NPY2R: variants seen among roughly 807,000 people sequenced by gnomAD.
The protein encoded by NPY2R is neuropeptide Y receptor Y2, also known as neuropeptide Y receptor type 2.
Under a neutral mutation model 22.3 loss-of-function variants are expected in NPY2R, and 17 were observed. The observed-to-expected ratio is 0.76, with a 90% CI of 0.52 to 1.14. The LOEUF (loss-of-function observed/expected upper bound fraction) is 1.14, where lower values mean the gene tolerates loss of function less well. NPY2R is among the 50% of genes most tolerant of loss of function. NPY2R has a pLI of 0.00. For synonymous variants in NPY2R, 209 were observed against 183.4 expected (o/e 1.14, Z -1.13); for missense variants, 424 against 467.9 (o/e 0.91, Z 0.87).
At chr4:155,193,637 G>A in the NPY2R span, among the ~76,000 whole-genome samples, 1 of 151,926 alleles carries the variant, frequency 6.6e-6, no homozygotes, top group Non-Finnish European at 1.5e-5. Flanking sequence ...GTCCACCTAG[G>A]CATGGCACTG....
chr4:155,183,893 T>C, the NPY2R span, among the ~76,000 whole-genome samples: 1 of 152,110 alleles, frequency 6.6e-6, no homozygotes, highest in Non-Finnish European at 1.5e-5. Context: ...ACCCCAAACC[T>C]ATATACTAAG....
chr4:155,194,395 C>T, the NPY2R span, among the ~76,000 whole-genome samples: 1 of 151,672 alleles, frequency 6.6e-6, no homozygotes, highest in Non-Finnish European at 1.5e-5. Context: ...TCTCACTCTC[C>T]TCTCACCCTC....
intron 1 of NPY2R, 55 bp from the exon 2 acceptor site, chr4:155,213,837 C>T (rs746613101): frequency 4.3e-5 from 42 of 974,432 alleles, no homozygotes; most frequent in African/African-American, 9.6e-5. Context: ...GTGTTTTCCT[C>T]GTTCCATTGG....
the NPY2R span, among the ~76,000 whole-genome samples, chr4:155,200,625 T>A: frequency 6.6e-6 from 1 of 152,092 alleles, no homozygotes; most frequent in Non-Finnish European, 1.5e-5. Flanking sequence ...AATGATAGAC[T>A]AGATAAAGAA....
upstream of NPY2R, among the ~76,000 whole-genome samples, chr4:155,205,047 G>C (rs1366595199): frequency 9.2e-5 from 14 of 152,150 alleles, no homozygotes; most frequent in Admixed American, 9.2e-4. Context: ...AAAAAGATCT[G>C]AGTTTAAGTG....
At chr4:155,195,307 C>T in the NPY2R span, among the ~76,000 whole-genome samples, 38 of 151,876 alleles carry the variant, frequency 2.5e-4, no homozygotes, top group African/African-American at 7.0e-4. Context: ...GATATTCACC[C>T]GTTAAGTGCT....
chr4:155,209,619 C>A (rs1221963575), intron 1 of NPY2R, among the ~76,000 whole-genome samples: 1 of 152,196 alleles, frequency 6.6e-6, no homozygotes, highest in Non-Finnish European at 1.5e-5. Flanking sequence ...TGAATATTTT[C>A]AACTTTCTAC....
the NPY2R span, among the ~76,000 whole-genome samples, chr4:155,194,710 C>T: frequency 1.3e-5 from 2 of 151,932 alleles, no homozygotes; most frequent in Non-Finnish European, 2.9e-5. Context: ...CACATAAATG[C>T]ATGTGTCTTT....
chr4:155,186,468 G>A, the NPY2R span, among the ~76,000 whole-genome samples: 1 of 152,146 alleles, frequency 6.6e-6, no homozygotes, highest in African/African-American at 2.4e-5. Flanking sequence ...TTTTTAAATT[G>A]ACAAATTGAA....
At chr4:155,181,127 T>C in the NPY2R span, among the ~76,000 whole-genome samples, 1 of 151,942 alleles carries the variant, frequency 6.6e-6, no homozygotes, top group Non-Finnish European at 1.5e-5. Flanking sequence ...GGATCAGTTA[T>C]AGGGTAATTG....
the NPY2R span, among the ~76,000 whole-genome samples, chr4:155,184,186 A>C: frequency 6.0e-5 from 9 of 150,274 alleles, no homozygotes; most frequent in Non-Finnish European, 1.2e-4. Context: ...TTATTTAAGA[A>C]GAACCCTCTC....
Position 155,214,560 on chromosome 4 carries a change from G to T in NPY2R, c.621G>T (p.Trp207Cys). The change falls in exon 2 of 2, where the codon TGG becomes TGT. Residue 207 changes from tryptophan to cysteine, a missense_variant. Trp to Cys is a radical substitution (Grantham distance 215, BLOSUM62 -2). Transcript: ENST00000329476. Reference sequence around the variant, plus strand: ...AGATTGTGGCCTGTACTGAAAAGTGGCCTGGCGAGGAGAAGAGCATCTATG... The same window carrying T: ...AGATTGTGGCCTGTACTGAAAAGTGTCCTGGCGAGGAGAAGAGCATCTATG... Reference protein sequence around the residue: ...DFEIVACTEKWPGEEKSIYGT... With the variant: ...DFEIVACTEKCPGEEKSIYGT... 6.2e-7 allele frequency: 1 copy of T among 1,614,208 alleles called. No homozygotes were observed. The highest frequency in any genetic ancestry group is 1.1e-5 in the South Asian group (1 of 91,084).
At chr4:155,174,484 A>ATATATATATATATATATATATATTTTT in the NPY2R span, among the ~76,000 whole-genome samples, 61 of 106,026 alleles carry the variant, frequency 5.8e-4, no homozygotes, top group African/African-American at 2.6e-3. Flanking sequence ...ATATATATAT[A>ATATATATATATATATATATATATTTTT]TTTTTTTTTT....
the NPY2R span, among the ~76,000 whole-genome samples, chr4:155,176,914 C>T: frequency 1.3e-5 from 2 of 152,060 alleles, no homozygotes; most frequent in East Asian, 3.9e-4. Context: ...CACTGTGTTC[C>T]CATGGCGGAA....
chr4:155,181,186 C>G, the NPY2R span, among the ~76,000 whole-genome samples: 1 of 152,048 alleles, frequency 6.6e-6, no homozygotes, highest in African/African-American at 2.4e-5. Context: ...AAAAGTTACA[C>G]AGCACGTGGA....
At chr4:155,196,477 T>C in the NPY2R span, among the ~76,000 whole-genome samples, 1 of 151,842 alleles carries the variant, frequency 6.6e-6, no homozygotes, top group Non-Finnish European at 1.5e-5. Flanking sequence ...GAAATTGAGA[T>C]TACAGATTGA....
Position 155,214,102 on chromosome 4 carries a change from T to C in NPY2R, c.163T>C (p.Leu55=), listed in dbSNP as rs776705671. ...GATTGAGGTACAAGTTGTTCTCATATTGGCCTACTGCTCCATCATCTTGCT... is the reference window on the plus strand; with the variant it reads ...GATTGAGGTACAAGTTGTTCTCATACTGGCCTACTGCTCCATCATCTTGCT... ...KLIEVQVVLI[L]AYCSIILLGV... Residue 55 remains leucine, a synonymous_variant, in exon 2 of 2, where the codon TTG becomes CTG. Transcript: ENST00000329476. 5.6e-6 allele frequency: 9 copies of C among 1,614,068 alleles called. No homozygotes were observed. Among genetic ancestry groups the C allele is most frequent in the Middle Eastern group, 1.6e-4 (1 of 6,062 alleles).
At chr4:155,182,916 C>T in the NPY2R span, among the ~76,000 whole-genome samples, 1 of 152,076 alleles carries the variant, frequency 6.6e-6, no homozygotes, top group Non-Finnish European at 1.5e-5. Flanking sequence ...CCTCAGCCTC[C>T]CGAGTAGCTG....
At chr4:155,182,552 A>G in the NPY2R span, among the ~76,000 whole-genome samples, 1 of 152,146 alleles carries the variant, frequency 6.6e-6, no homozygotes, top group Non-Finnish European at 1.5e-5. Flanking sequence ...ATGATGTTTA[A>G]AGTGTCAGTG....
Sources: gnomAD v4.1 joint callset for allele counts (sites outside exome capture counted in the v4.1 genomes callset) on GRCh38, gnomAD v4.1.1 for gene constraint, MANE v1.5 for transcripts, NCBI Gene and HGNC (gene_info 2026-07-23, HGNC 2026-07-21) for gene names.